The following SPOPL variants were observed in gnomAD, a reference collection of about 807,000 sequenced individuals.
SPOPL encodes the protein speckle-type POZ protein-like.
Under a neutral mutation model 53.8 loss-of-function variants are expected in SPOPL, and 23 were observed. The observed-to-expected ratio is 0.43, with a 90% CI of 0.31 to 0.61. The LOEUF is 0.61. Among genes scored for constraint, SPOPL ranks in the 20% least tolerant of loss-of-function variants. The probability of loss-of-function intolerance (pLI) is 0.12; values close to 1 mark genes in which losing one functional copy is unlikely to be tolerated. For missense variants in SPOPL, 442 were observed against 466.9 expected (o/e 0.95, Z 0.49); for synonymous variants, 164 against 149.7 (o/e 1.10, Z -0.70).
At chr2:138,530,853 T>C (rs1335111633) in intron 1 of SPOPL, among the ~76,000 whole-genome samples, 1 of 152,064 alleles carries the variant, frequency 6.6e-6, no homozygotes, top group Non-Finnish European at 1.5e-5. Flanking sequence ...TAGTACATGT[T>C]GAATGGAAGT....
intron 8 of SPOPL, among the ~76,000 whole-genome samples, chr2:138,562,667 C>G (rs2104904007): frequency 6.6e-6 from 1 of 151,542 alleles, no homozygotes; most frequent in East Asian, 1.9e-4. Context: ...GCCTGTAATC[C>G]CAGTTTCTTG....
chr2:138,571,881 A>G lies in SPOPL; in HGVS notation c.*2801A>G, dbSNP rs1685790081. 1 of 152,610 alleles carries G rather than the reference A, an allele frequency of 6.6e-6. No individual in the cohort carries two copies. The highest frequency in any genetic ancestry group is 6.6e-5 in the Admixed American group (1 of 15,264). 9.5% of individuals were successfully genotyped at this position (152,610 alleles called of 1,614,324 possible). A position where few individuals can be genotyped will look rare whatever the true frequency, so the allele number is the denominator to read the frequency against. On this transcript the variant is annotated 3_prime_UTR_variant, in exon 11 of 11. Transcript: ENST00000280098. ...ATTTTTAATTTTAATGTGTGTTGAT[A>G]TTTGGAGCACAAATAATGAAGGTGC...
intron 10 of SPOPL, among the ~76,000 whole-genome samples, chr2:138,565,886 A>G (rs1341768599): frequency 6.6e-6 from 1 of 151,870 alleles, no homozygotes; most frequent in Non-Finnish European, 1.5e-5. Context: ...GGCGCCCGCC[A>G]CCACACCTGG....
intron 1 of SPOPL, among the ~76,000 whole-genome samples, chr2:138,529,526 GTGTGTGTGTTT>G (rs1684756011): frequency 7.6e-6 from 1 of 132,448 alleles, no homozygotes; most frequent in African/African-American, 2.6e-5. Flanking sequence ...GTGTGTGTGT[GTGTGTGTGTTT>G]GCGTGCGCGC....
At position 138,541,585 on chromosome 2, in the gene SPOPL, T is replaced by TA. The variant is rs1685072861; in HGVS notation, c.-60-8571dup. Among the ~76,000 whole-genome samples the TA allele has an allele frequency of 5.9e-5, 9 of 152,346 alleles. No homozygotes were observed. In the South Asian group the frequency reaches 1.7e-3, roughly 28 times the overall value. ...TGTATTTCTGTGGGATCGGTGGTGATATCCCCTTTATCATTTTTTATTGTG... is the reference window on the plus strand; with the variant it reads ...TGTATTTCTGTGGGATCGGTGGTGATAATCCCCTTTATCATTTTTTATTGTG... On this transcript the variant is annotated intron_variant, in intron 1 of 10. Coordinates refer to ENST00000280098, the MANE Select transcript of SPOPL (RefSeq NM_001001664.3).
intron 8 of SPOPL, chr2:138,564,416 CAA>C (rs1046703386): frequency 9.8e-6 from 3 of 304,712 alleles, no homozygotes; most frequent in Non-Finnish European, 1.8e-5. Flanking sequence ...AAGTAGTAGA[CAA>C]GAGAAGTATA....
intron 8 of SPOPL, among the ~76,000 whole-genome samples, chr2:138,563,665 G>T (rs1375702067): frequency 3.3e-5 from 5 of 152,206 alleles, no homozygotes; most frequent in Non-Finnish European, 5.9e-5. Context: ...CTCGTGTGCT[G>T]TTGATGGAAA....
Position 138,569,286 on chromosome 2 carries a change from C to T in SPOPL, c.*206C>T. The T allele has an allele frequency of 3.9e-6, 2 of 509,510 alleles. No homozygotes were observed. The highest frequency in any genetic ancestry group is 6.8e-6 in the Non-Finnish European group (2 of 292,094). The allele number at this position is 509,510 out of a possible 1,614,324, so 31.6% of individuals were successfully genotyped here. On this transcript the variant is annotated 3_prime_UTR_variant, in exon 11 of 11. Coordinates refer to ENST00000280098, the MANE Select transcript of SPOPL (RefSeq NM_001001664.3). ...TTAGACTGATTAATTCACTTCAAGGCCTTAAATTATCTTCAATGACTTGTC... is the reference window on the plus strand; with the variant it reads ...TTAGACTGATTAATTCACTTCAAGGTCTTAAATTATCTTCAATGACTTGTC...
intron 1 of SPOPL, among the ~76,000 whole-genome samples, chr2:138,529,273 T>C (rs990001446): frequency 6.6e-6 from 1 of 152,176 alleles, no homozygotes; most frequent in South Asian, 2.1e-4. Context: ...CCTGCTGGAA[T>C]AGTAGAGCTC....
At position 138,568,977 on chromosome 2, in the gene SPOPL, T is replaced by C. The variant is rs1685723534; in HGVS notation, c.1076T>C (p.Met359Thr). The C allele has an allele frequency of 6.2e-7, 1 of 1,614,104 alleles. No individual in the cohort carries two copies. The highest frequency in any genetic ancestry group is 2.2e-5 in the East Asian group (1 of 44,876). The change falls in exon 11 of 11, where the codon ATG becomes ACG. Residue 359 changes from methionine to threonine, a missense_variant. Physicochemically the swap from Met to Thr is moderately conservative, Grantham distance 81. Coordinates refer to ENST00000280098, the MANE Select transcript of SPOPL (RefSeq NM_001001664.3). Reference sequence around the variant, plus strand: ...ATGGAAACATCAGGGTGGAAGTCCATGATTCAGTCTCACCCTCATTTAGTA... The same window carrying C: ...ATGGAAACATCAGGGTGGAAGTCCACGATTCAGTCTCACCCTCATTTAGTA... ...DIMETSGWKSMIQSHPHLVAE... is the reference protein window; with the variant it reads ...DIMETSGWKSTIQSHPHLVAE...
chr2:138,555,533 G>A (rs1211259797), intron 5 of SPOPL, among the ~76,000 whole-genome samples: 1 of 152,116 alleles, frequency 6.6e-6, no homozygotes, highest in Non-Finnish European at 1.5e-5. Flanking sequence ...AGATATTCAT[G>A]TGAAATTCGA....
chr2:138,513,165 C>T (rs1234907629), intron 1 of SPOPL, among the ~76,000 whole-genome samples: 1 of 152,236 alleles, frequency 6.6e-6, no homozygotes, highest in East Asian at 1.9e-4. Flanking sequence ...CGCCTGTAAT[C>T]CCAACTCTTT....
At chr2:138,547,995 A>G (rs1341771924) in intron 1 of SPOPL, among the ~76,000 whole-genome samples, 4 of 152,138 alleles carry the variant, frequency 2.6e-5, no homozygotes, top group Non-Finnish European at 5.9e-5. Context: ...GCTCAGAATT[A>G]TCTTTTTCAC....
rs1408949892 is a variant in SPOPL, at chr2:138,571,537, TA to T, written c.*2458del. 1 of 152,584 alleles carries T rather than the reference TA, an allele frequency of 6.6e-6. No homozygotes were observed. 9.5% of individuals were successfully genotyped at this position (152,584 alleles called of 1,614,324 possible). On this transcript the variant is annotated 3_prime_UTR_variant, in exon 11 of 11. Transcript: ENST00000280098. ...TAACAGAATCATATGGTAGTTGATT[TA>T]TTTTTTTATTTATTATGTATATTTT...
At chr2:138,511,334 T>C (rs1167651593) in intron 1 of SPOPL, among the ~76,000 whole-genome samples, 1 of 152,184 alleles carries the variant, frequency 6.6e-6, no homozygotes, top group Non-Finnish European at 1.5e-5. Flanking sequence ...AACCAGTATT[T>C]TTTCTTAAGA....
At chr2:138,531,037 T>C (rs575725027) in intron 1 of SPOPL, among the ~76,000 whole-genome samples, 346 of 152,190 alleles carry the variant, frequency 2.3e-3, no homozygotes, top group Non-Finnish European at 3.7e-3. Flanking sequence ...TCAAATGCTT[T>C]TTCTGCAACT....
chr2:138,529,541 T>TGCGCGC (rs61492785), intron 1 of SPOPL, among the ~76,000 whole-genome samples: 3 of 151,104 alleles, frequency 2.0e-5, no homozygotes, highest in African/African-American at 4.9e-5. Context: ...TGTGTTTGCG[T>TGCGCGC]GCGCGCGCGC....
At chr2:138,560,768 T>C (rs1429057655) in intron 7 of SPOPL, 37 bp from the exon 8 acceptor site, 2 of 1,566,308 alleles carry the variant, frequency 1.3e-6, no homozygotes, top group African/African-American at 1.4e-5. Context: ...TGTACTTTTT[T>C]TTTTTTTAAC....
intron 1 of SPOPL, among the ~76,000 whole-genome samples, chr2:138,526,251 A>G (rs978760210): frequency 6.6e-6 from 1 of 152,152 alleles, no homozygotes; most frequent in African/African-American, 2.4e-5. Context: ...GTACATGAAA[A>G]TTTCATCAAT....
Sources: gnomAD v4.1 joint callset for allele counts (sites outside exome capture counted in the v4.1 genomes callset) on GRCh38, gnomAD v4.1.1 for gene constraint, MANE v1.5 for transcripts, NCBI Gene and HGNC (gene_info 2026-07-23, HGNC 2026-07-21) for gene names.